Variants in BCAS3 observed in about 807,000 individuals in gnomAD.
BCAS3 encodes BCAS3 microtubule associated cell migration factor.
BCAS3 carries 53 observed loss-of-function variants against 116.1 expected under a neutral mutation model. The observed-to-expected ratio is 0.46, with a 90% confidence interval of 0.37 to 0.57. The LOEUF (loss-of-function observed/expected upper bound fraction) is 0.57, where lower values mean the gene tolerates loss of function less well. Ranked by LOEUF, BCAS3 falls within the 20% of genes least tolerant of loss-of-function variation. BCAS3 has a pLI of 0.00. For synonymous variants in BCAS3, 391 were observed against 408.2 expected (o/e 0.96, Z 0.51); for missense variants, 917 against 1,165.4 (o/e 0.79, Z 3.10).
Position 61,376,634 on chromosome 17 carries a change from GT to G in BCAS3, c.2593+8141del, listed in dbSNP as rs2059354498. On this transcript the variant is annotated intron_variant, in intron 23 of 23. Coordinates refer to ENST00000407086, the MANE Select transcript of BCAS3 (RefSeq NM_017679.5). The surrounding 1 kb of genome is among the most constrained non-coding windows in gnomAD (Gnocchi z 4.5). ...GGTCCCCTTCTCAAGATGCACAAGG[GT>G]GATTCATCTGTGCAAGCCATAGCTT... Among the ~76,000 whole-genome samples the G allele has an allele frequency of 6.6e-6, 1 of 152,146 alleles. No homozygotes were observed. The highest frequency in any genetic ancestry group is 2.4e-5 in the African/African-American group (1 of 41,432).
At chr17:60,806,050 T>G (rs912518341) in intron 6 of BCAS3, among the ~76,000 whole-genome samples, 5 of 151,746 alleles carry the variant, frequency 3.3e-5, no homozygotes, top group Non-Finnish European at 7.4e-5. Flanking sequence ...GTATTTTTTT[T>G]TTTTAAACTA....
intron 22 of BCAS3, among the ~76,000 whole-genome samples, chr17:61,319,633 AT>A (rs1045773731): frequency 6.1e-5 from 9 of 147,508 alleles, no homozygotes; most frequent in African/African-American, 1.7e-4. Context: ...TGTTTAAGAG[AT>A]TTTTTTTTTC....
At chr17:61,190,308 C>T (rs2080025795) in intron 22 of BCAS3, among the ~76,000 whole-genome samples, 1 of 151,834 alleles carries the variant, frequency 6.6e-6, no homozygotes, top group Non-Finnish European at 1.5e-5. Flanking sequence ...GGTGGATTAC[C>T]TGAGGTCCGG....
chr17:61,000,007 T>C (rs887161202), intron 15 of BCAS3, among the ~76,000 whole-genome samples: 2 of 152,234 alleles, frequency 1.3e-5, no homozygotes, highest in African/African-American at 4.8e-5. Flanking sequence ...CCTGAAACTT[T>C]ACTGAAGTAA....
intron 22 of BCAS3, among the ~76,000 whole-genome samples, chr17:61,260,270 A>G (rs2049088441): frequency 6.6e-6 from 1 of 152,206 alleles, no homozygotes; most frequent in Non-Finnish European, 1.5e-5. Flanking sequence ...GCATTACCCA[A>G]TATGAAAACA....
intron 5 of BCAS3, among the ~76,000 whole-genome samples, chr17:60,716,726 T>A (rs114866228): frequency 3.1e-4 from 46 of 150,704 alleles, no homozygotes; most frequent in Non-Finnish European, 3.8e-4. Context: ...AAAAAAAAAA[T>A]AATAATAATA....
Position 61,369,843 on chromosome 17 carries a change from G to T in BCAS3, c.2593+1349G>T, listed in dbSNP as rs533863387. Reference sequence around the variant, plus strand: ...TCGCTTCCCCTGGAAGGGGGCCTAAGTGAGGAATGTGGCTTACGGCACAGG... The same window carrying T: ...TCGCTTCCCCTGGAAGGGGGCCTAATTGAGGAATGTGGCTTACGGCACAGG... On this transcript the variant is annotated intron_variant, in intron 23 of 23. Coordinates refer to ENST00000407086, the MANE Select transcript of BCAS3 (RefSeq NM_017679.5). Among the ~76,000 whole-genome samples, 11 of 152,388 alleles carry T rather than the reference G, an allele frequency of 7.2e-5. No individual in the cohort carries two copies. In the South Asian group the frequency reaches 2.1e-3, roughly 29 times the overall value.
chr17:60,853,648 T>C (rs920258653), intron 7 of BCAS3, among the ~76,000 whole-genome samples: 4 of 152,236 alleles, frequency 2.6e-5, no homozygotes, highest in Non-Finnish European at 5.9e-5. Context: ...TAGTCAGATA[T>C]ATGCATTTCC....
At chr17:61,074,851 G>A in intron 19 of BCAS3, 69 bp from the exon 20 acceptor site, 4 of 1,028,652 alleles carry the variant, frequency 3.9e-6, no homozygotes, top group Non-Finnish European at 4.4e-6. Context: ...ATCCAAAATG[G>A]TTGTGCCCAC....
intron 7 of BCAS3, among the ~76,000 whole-genome samples, chr17:60,808,516 A>G (rs1329812349): frequency 6.6e-6 from 1 of 152,192 alleles, no homozygotes; most frequent in Non-Finnish European, 1.5e-5. Flanking sequence ...CATTGGAGAA[A>G]GGAAGAACAT....
At chr17:61,176,358 A>AT (rs1568511943) in intron 22 of BCAS3, among the ~76,000 whole-genome samples, 1 of 76,516 alleles carries the variant, frequency 1.3e-5, no homozygotes. Context: ...TACCCAGAAA[A>AT]TTTTTTTCTT....
At chr17:60,894,509 G>A (rs2057383117) in intron 10 of BCAS3, among the ~76,000 whole-genome samples, 1 of 152,180 alleles carries the variant, frequency 6.6e-6, no homozygotes, top group African/African-American at 2.4e-5. Context: ...CATGTCATCA[G>A]CAAAGAGGGG....
intron 5 of BCAS3, chr17:60,709,653 T>G: frequency 3.6e-6 from 1 of 279,596 alleles, no homozygotes; most frequent in South Asian, 3.4e-5. Context: ...CCTCCCAAAG[T>G]GTTGGGATTA....
chr17:60,690,300 T>A (rs923726561), intron 4 of BCAS3, among the ~76,000 whole-genome samples: 1 of 152,202 alleles, frequency 6.6e-6, no homozygotes, highest in Non-Finnish European at 1.5e-5. Flanking sequence ...CAGGGCATAG[T>A]GGCTCACACC....
chr17:61,356,375 G>A lies in BCAS3; in HGVS notation c.2426-11952G>A, dbSNP rs1420239284. ...GGGGGAGAAATCATGAGTGTGCCAA[G>A]TTTAAAACAGAAGAGTAAAGGGTCT... On this transcript the variant is annotated intron_variant, in intron 22 of 23. Coordinates refer to ENST00000407086, the MANE Select transcript of BCAS3 (RefSeq NM_017679.5). The surrounding 1 kb of genome is among the most constrained non-coding windows in gnomAD (Gnocchi z 5.4). 1.3e-5 allele frequency among the ~76,000 whole-genome samples: 2 copies of A among 152,352 alleles called. No individual in the cohort carries two copies. Among genetic ancestry groups the A allele is most frequent in the South Asian group, 2.1e-4 (1 of 4,828 alleles).
intron 22 of BCAS3, among the ~76,000 whole-genome samples, chr17:61,225,020 G>A (rs2082298665): frequency 6.6e-6 from 1 of 152,202 alleles, no homozygotes; most frequent in African/African-American, 2.4e-5. Context: ...ACCACTTACA[G>A]ATGTTGCTGA....
chr17:60,758,557 T>G (rs2043210866), intron 6 of BCAS3, among the ~76,000 whole-genome samples: 1 of 152,056 alleles, frequency 6.6e-6, no homozygotes, highest in South Asian at 2.1e-4. Flanking sequence ...ATTTTTGTAT[T>G]TTTTGGTAGA....
chr17:60,745,135 C>G (rs114405679), intron 5 of BCAS3, among the ~76,000 whole-genome samples: 4,929 of 151,778 alleles, frequency 0.032, 251 homozygotes, highest in African/African-American at 0.11. Flanking sequence ...CTGGCATATG[C>G]AAATAATAGT....
At chr17:61,167,491 A>G (rs2078579032) in intron 22 of BCAS3, among the ~76,000 whole-genome samples, 1 of 152,192 alleles carries the variant, frequency 6.6e-6, no homozygotes, top group African/African-American at 2.4e-5. Flanking sequence ...TTTGAGAGGG[A>G]AATAAAATCT....
Sources: gnomAD v4.1 joint callset for allele counts (sites outside exome capture counted in the v4.1 genomes callset) on GRCh38, gnomAD v4.1.1 for gene constraint, Gnocchi (gnomAD v3.1) non-coding constraint, MANE v1.5 for transcripts, NCBI Gene and HGNC (gene_info 2026-07-23, HGNC 2026-07-21) for gene names.